The following CMTM8 variants were observed in gnomAD, a reference collection of about 807,000 sequenced individuals.
CMTM8 encodes the protein CKLF-like MARVEL transmembrane domain-containing protein 8.
A neutral mutation model predicts 18.6 loss-of-function variants in CMTM8; 12 were observed. That is an observed-to-expected ratio of 0.65 (90% CI 0.41 to 1.05). CMTM8 has a LOEUF of 1.05. Among genes scored for constraint, CMTM8 ranks in the 50% least tolerant of loss-of-function variants. CMTM8 has a pLI of 0.00. For missense variants in CMTM8, 217 were observed against 227.2 expected, an observed-to-expected ratio of 0.95 and a Z score of 0.29; for synonymous variants, 87 against 90.6, an observed-to-expected ratio of 0.96 and a Z score of 0.23.
intron 1 of CMTM8, among the ~76,000 whole-genome samples, chr3:32,345,675 C>T (rs998295118): frequency 6.6e-6 from 1 of 152,118 alleles, no homozygotes; most frequent in African/African-American, 2.4e-5. Context: ...AAACCAACAA[C>T]ACATATAAAA....
At chr3:32,239,355 A>T (rs1701914397) in intron 1 of CMTM8, among the ~76,000 whole-genome samples, 1 of 150,818 alleles carries the variant, frequency 6.6e-6, no homozygotes, top group South Asian at 2.1e-4. Flanking sequence ...GGAGAAATTC[A>T]GCTTGTTGGG....
At chr3:32,301,253 A>G (rs1171296774) in intron 1 of CMTM8, among the ~76,000 whole-genome samples, 1 of 152,110 alleles carries the variant, frequency 6.6e-6, no homozygotes, top group Non-Finnish European at 1.5e-5. Context: ...CCTTTGAGCC[A>G]GCTTTGTCAT....
intron 1 of CMTM8, among the ~76,000 whole-genome samples, chr3:32,281,364 G>A (rs1475112220): frequency 6.6e-6 from 1 of 152,116 alleles, no homozygotes; most frequent in Non-Finnish European, 1.5e-5. Context: ...CTCATCAAGG[G>A]GTGGTGTTGC....
intron 1 of CMTM8, among the ~76,000 whole-genome samples, chr3:32,285,680 T>C (rs1702670090): frequency 6.6e-6 from 1 of 152,154 alleles, no homozygotes; most frequent in African/African-American, 2.4e-5. Flanking sequence ...GTATAACACC[T>C]CTCTGCACTG....
chr3:32,278,807 T>C (rs1245141184), intron 1 of CMTM8, among the ~76,000 whole-genome samples: 1 of 152,246 alleles, frequency 6.6e-6, no homozygotes, highest in Admixed American at 6.5e-5. Flanking sequence ...TCCTGTTTAC[T>C]GAGTGTTCAT....
intron 1 of CMTM8, among the ~76,000 whole-genome samples, chr3:32,306,969 G>A (rs59375436): frequency 0.17 from 25,424 of 152,132 alleles, 2,149 homozygotes; most frequent in South Asian, 0.27. Flanking sequence ...AACACTTTGG[G>A]AGGCCGAGGT....
In CMTM8 at chr3:32,295,455, C is replaced by CAAAAAA. The variant is rs1400148634; in HGVS notation, c.147+56354_147+56359dup. On this transcript the variant is annotated intron_variant, in intron 1 of 3. Transcript: ENST00000307526. The stretch of plus-strand genomic sequence containing the variant: ...TGGGCAATAAAGCGAGACTCCATCT[C>CAAAAAA]AAAAAAAAAAAAAAAAAAAAAAACA... 4.0e-3 allele frequency among the ~76,000 whole-genome samples: 109 copies of CAAAAAA among 27,422 alleles called. 7 individuals carry two copies. Among genetic ancestry groups the CAAAAAA allele is most frequent in the African/African-American group, 4.8e-3 (36 of 7,448 alleles). 18.0% of individuals were successfully genotyped at this position (27,422 alleles called of 152,430 possible).
chr3:32,311,400 A>G (rs1003581464), intron 1 of CMTM8, among the ~76,000 whole-genome samples: 1 of 152,180 alleles, frequency 6.6e-6, no homozygotes, highest in Non-Finnish European at 1.5e-5. Context: ...AGCTTAAAAT[A>G]TTTGCCATCT....
At chr3:32,254,658 A>G (rs762284995) in intron 1 of CMTM8, among the ~76,000 whole-genome samples, 4 of 152,160 alleles carry the variant, frequency 2.6e-5, no homozygotes, top group African/African-American at 9.7e-5. Flanking sequence ...TCAAAAGACA[A>G]TACTTTCCTC....
intron 1 of CMTM8, among the ~76,000 whole-genome samples, chr3:32,243,514 T>C (rs1458816845): frequency 4.1e-5 from 6 of 147,504 alleles, no homozygotes; most frequent in African/African-American, 1.5e-4. Flanking sequence ...CTGGGTAACA[T>C]TGTGAGACCC....
At chr3:32,369,374 C>T (rs1262325171) in intron 3 of CMTM8, among the ~76,000 whole-genome samples, 1 of 152,122 alleles carries the variant, frequency 6.6e-6, no homozygotes, top group Non-Finnish European at 1.5e-5. Context: ...TCACAAGCTT[C>T]GTCAAGACTG....
intron 1 of CMTM8, among the ~76,000 whole-genome samples, chr3:32,321,922 C>G (rs1696062386): frequency 6.6e-6 from 1 of 152,194 alleles, no homozygotes; most frequent in Non-Finnish European, 1.5e-5. Context: ...AGTTTTTGTT[C>G]AAACACAGCC....
intron 1 of CMTM8, among the ~76,000 whole-genome samples, chr3:32,347,540 G>A (rs1696625790): frequency 6.6e-6 from 1 of 151,540 alleles, no homozygotes; most frequent in South Asian, 2.1e-4. Flanking sequence ...GTGCTGGGGG[G>A]CTTGGGGCCT....
chr3:32,262,185 C>T (rs936864249), intron 1 of CMTM8, among the ~76,000 whole-genome samples: 3 of 152,126 alleles, frequency 2.0e-5, no homozygotes, highest in African/African-American at 7.2e-5. Flanking sequence ...CTCTCAACAC[C>T]ACGAAGCGAG....
At chr3:32,283,967 A>G (rs2125551579) in intron 1 of CMTM8, among the ~76,000 whole-genome samples, 1 of 152,328 alleles carries the variant, frequency 6.6e-6, no homozygotes, top group Middle Eastern at 3.4e-3. Context: ...ATATACACTT[A>G]GGGCTGGGCA....
intron 1 of CMTM8, among the ~76,000 whole-genome samples, chr3:32,346,991 G>T (rs955518356): frequency 6.6e-6 from 1 of 151,170 alleles, no homozygotes; most frequent in East Asian, 2.0e-4. Flanking sequence ...TGGCTTGCTT[G>T]CTTGCTTATT....
chr3:32,290,291 A>G (rs1702757625), intron 1 of CMTM8, among the ~76,000 whole-genome samples: 1 of 152,254 alleles, frequency 6.6e-6, no homozygotes, highest in Admixed American at 6.5e-5. Context: ...ATATTTCTAA[A>G]ACTTTATATA....
At chr3:32,243,051 C>T (rs898009733) in intron 1 of CMTM8, among the ~76,000 whole-genome samples, 1 of 151,462 alleles carries the variant, frequency 6.6e-6, no homozygotes. Context: ...CACCACCAAG[C>T]CTACCTAATT....
chr3:32,335,311 A>G (rs1696365047), intron 1 of CMTM8, among the ~76,000 whole-genome samples: 1 of 152,106 alleles, frequency 6.6e-6, no homozygotes, highest in Admixed American at 6.5e-5. Flanking sequence ...CCTTGAGCAT[A>G]TTTGTGCTCA....
Sources: gnomAD v4.1 joint callset for allele counts (sites outside exome capture counted in the v4.1 genomes callset) on GRCh38, gnomAD v4.1.1 for gene constraint, MANE v1.5 for transcripts, NCBI Gene and HGNC (gene_info 2026-07-23, HGNC 2026-07-21) for gene names.